SORCS3: variants seen among roughly 807,000 people sequenced by gnomAD.
The protein encoded by SORCS3 is sortilin related VPS10 domain containing receptor 3.
In SORCS3, 57 loss-of-function variants were observed where a neutral mutation model predicts 146.3. That is an observed-to-expected ratio of 0.39 (90% confidence interval 0.31 to 0.49). SORCS3 has a LOEUF of 0.49. Among genes scored for constraint, SORCS3 ranks in the 20% least tolerant of loss-of-function variants. The pLI is 0.92. For missense variants in SORCS3, 1,341 were observed against 1,575.5 expected, an observed-to-expected ratio of 0.85 and a Z score of 2.52; for synonymous variants, 653 against 618.5, an observed-to-expected ratio of 1.06 and a Z score of -0.83.
rs557626397 is a variant in SORCS3, at chr10:105,264,716, G to A, written c.*1342G>A. The stretch of plus-strand genomic sequence containing the variant: ...TTCCCTTAAGGTAGTTCTTGCCTCT[G>A]GGGTGAGTGGCTTTCAAAGCCTTTT... On this transcript the variant is annotated 3_prime_UTR_variant, in exon 27 of 27. Coordinates refer to ENST00000369701, the MANE Select transcript of SORCS3 (RefSeq NM_014978.3). 6.5e-6 allele frequency: 1 copy of A among 152,764 alleles called. No individual in the cohort carries two copies. Among genetic ancestry groups the A allele is most frequent in the South Asian group, 2.1e-4 (1 of 4,828 alleles). The allele number at this position is 152,764 out of a possible 1,614,324, so 9.5% of individuals were successfully genotyped here.
chr10:104,998,962 G>A (rs1360311233), intron 4 of SORCS3, among the ~76,000 whole-genome samples: 1 of 152,106 alleles, frequency 6.6e-6, no homozygotes, highest in Non-Finnish European at 1.5e-5. Context: ...TATCGTGGAA[G>A]TATACACAAA....
chr10:105,132,313 A>G (rs987148883), intron 7 of SORCS3, among the ~76,000 whole-genome samples: 3 of 152,204 alleles, frequency 2.0e-5, no homozygotes, highest in African/African-American at 7.2e-5. Flanking sequence ...AACAATAATG[A>G]TAGTAATAAT....
intron 1 of SORCS3, among the ~76,000 whole-genome samples, chr10:104,796,333 A>G (rs550474588): frequency 6.6e-6 from 1 of 152,358 alleles, no homozygotes; most frequent in Admixed American, 6.5e-5. Flanking sequence ...TTGATGAGCA[A>G]ATTCATCTTT....
At chr10:104,799,965 C>T (rs1028446489) in intron 1 of SORCS3, among the ~76,000 whole-genome samples, 2 of 151,796 alleles carry the variant, frequency 1.3e-5, no homozygotes, top group East Asian at 1.9e-4. Flanking sequence ...CATGAGCCAC[C>T]GTGCCTGGCC....
chr10:104,670,723 A>G (rs138067100), intron 1 of SORCS3, among the ~76,000 whole-genome samples: 77 of 152,266 alleles, frequency 5.1e-4, no homozygotes, highest in African/African-American at 1.7e-3. Flanking sequence ...AAAAAACATC[A>G]TTGGGATTTT....
intron 4 of SORCS3, among the ~76,000 whole-genome samples, chr10:104,977,764 G>A (rs1352787083): frequency 8.1e-6 from 1 of 123,882 alleles, no homozygotes; most frequent in African/African-American, 3.1e-5. Context: ...ACAGAGTCTC[G>A]CTCTTTCACC....
At chr10:104,808,499 T>C (rs1315137339) in intron 1 of SORCS3, among the ~76,000 whole-genome samples, 1 of 152,152 alleles carries the variant, frequency 6.6e-6, no homozygotes, top group Non-Finnish European at 1.5e-5. Context: ...GATTTGGGTT[T>C]TGAAGGATAG....
intron 2 of SORCS3, among the ~76,000 whole-genome samples, chr10:104,853,836 C>T (rs924604282): frequency 6.6e-6 from 1 of 152,152 alleles, no homozygotes; most frequent in Admixed American, 6.5e-5. Flanking sequence ...AAGAACATCC[C>T]TCCAATTATA....
intron 22 of SORCS3, among the ~76,000 whole-genome samples, chr10:105,249,982 A>G (rs1250370383): frequency 6.6e-6 from 1 of 152,168 alleles, no homozygotes; most frequent in Non-Finnish European, 1.5e-5. Flanking sequence ...AAGGTTCCAT[A>G]AACTGGGTGG....
rs558398637 is a variant in SORCS3, at chr10:104,913,133, G to A, written c.696-2700G>A. 7.9e-5 allele frequency among the ~76,000 whole-genome samples: 12 copies of A among 152,318 alleles called. No individual in the cohort carries two copies. In the East Asian group the frequency reaches 2.3e-3, roughly 29 times the overall value. ...GATTTTACAAGACTTAAGCTTGGAA[G>A]ATTCAGCTTGACTGTGTGCATTGGG... On this transcript the variant is annotated intron_variant, in intron 2 of 26. Transcript: ENST00000369701.
chr10:104,828,161 ACT>A (rs750721033), intron 1 of SORCS3, among the ~76,000 whole-genome samples: 1 of 152,010 alleles, frequency 6.6e-6, no homozygotes, highest in Non-Finnish European at 1.5e-5. Flanking sequence ...AGTTTGGCAA[ACT>A]CTGGCACAAG....
chr10:104,750,821 C>G (rs1169854316), intron 1 of SORCS3, among the ~76,000 whole-genome samples: 2 of 152,080 alleles, frequency 1.3e-5, no homozygotes, highest in African/African-American at 2.4e-5. Context: ...CCAGTAAGCT[C>G]AAGGTTCACT....
chr10:104,878,195 G>A (rs1159701549), intron 2 of SORCS3, among the ~76,000 whole-genome samples: 1 of 152,038 alleles, frequency 6.6e-6, no homozygotes, highest in African/African-American at 2.4e-5. Context: ...TCATTCCAGA[G>A]CAGTGCCATT....
chr10:104,775,372 A>G (rs2133486612), intron 1 of SORCS3, among the ~76,000 whole-genome samples: 1 of 152,362 alleles, frequency 6.6e-6, no homozygotes, highest in Middle Eastern at 3.4e-3. Context: ...TCTACACTCC[A>G]TGCCAAGTCT....
At chr10:105,233,614 G>A (rs1361895880) in intron 20 of SORCS3, among the ~76,000 whole-genome samples, 1 of 152,032 alleles carries the variant, frequency 6.6e-6, no homozygotes, top group East Asian at 1.9e-4. Flanking sequence ...CTATGTCCAT[G>A]TGTTCTCATT....
chr10:105,133,988 T>G (rs1219987813), intron 7 of SORCS3, among the ~76,000 whole-genome samples: 1 of 152,024 alleles, frequency 6.6e-6, no homozygotes, highest in Non-Finnish European at 1.5e-5. Flanking sequence ...ACAGCCCGAG[T>G]GTCAAAACAG....
chr10:105,211,732 G>A (rs2056635280), intron 17 of SORCS3, among the ~76,000 whole-genome samples: 1 of 152,154 alleles, frequency 6.6e-6, no homozygotes, highest in African/African-American at 2.4e-5. Flanking sequence ...TGACGTGTGT[G>A]TTTATCTCTT....
At chr10:105,258,871 A>G (rs1013492554) in intron 25 of SORCS3, among the ~76,000 whole-genome samples, 10 of 152,232 alleles carry the variant, frequency 6.6e-5, no homozygotes, top group African/African-American at 1.7e-4. Context: ...CAATAGCAGC[A>G]TCAGTTAACA....
intron 1 of SORCS3, among the ~76,000 whole-genome samples, chr10:104,681,237 C>T (rs2015970237): frequency 6.6e-6 from 1 of 152,284 alleles, no homozygotes; most frequent in South Asian, 2.1e-4. Flanking sequence ...TTGCTTTTTC[C>T]AGCCTGAGAG....
Sources: allele counts gnomAD v4.1 joint callset (sites outside exome capture counted in the v4.1 genomes callset), GRCh38; gene constraint gnomAD v4.1.1; transcripts MANE v1.5; gene names NCBI Gene and HGNC (gene_info 2026-07-23, HGNC 2026-07-21).